Variants in KDM5B observed in about 807,000 individuals in gnomAD.
KDM5B encodes lysine-specific demethylase 5B.
In KDM5B, 144 loss-of-function variants were observed where a neutral mutation model predicts 193.4. The ratio of observed to expected loss-of-function variants is 0.74; its 90% CI spans 0.65 to 0.86. The LOEUF (loss-of-function observed/expected upper bound fraction) is 0.86. KDM5B is among the 40% of genes least tolerant of loss of function. The probability of loss-of-function intolerance (pLI) is 0.00; values close to 1 mark genes in which losing one functional copy is unlikely to be tolerated. For missense variants in KDM5B, 1,833 were observed against 1,886.9 expected, an observed-to-expected ratio of 0.97 and a Z score of 0.53; for synonymous variants, 668 against 682.6, an observed-to-expected ratio of 0.98 and a Z score of 0.33.
At chr1:202,796,601 T>C (rs765216301) in intron 1 of KDM5B, 1 of 162,856 alleles carries the variant, frequency 6.1e-6, no homozygotes. Context: ...TGTTATACTA[T>C]GTGCTGGTAC....
In KDM5B at chr1:202,742,502, A is replaced by T. The variant is rs375897651; in HGVS notation, c.2478T>A (p.Tyr826Ter). The change falls in exon 18 of 27, where the codon TAT becomes TAA. Residue 826 changes from tyrosine to a stop codon, truncating the protein, a stop_gained. Transcript: ENST00000367265. LOFTEE classifies it high-confidence loss of function. The part of the protein sequence containing the change: ...QLLNGKRQTR[Y>*]RSGGGKSQNQ... Reference sequence around the variant, plus strand: ...TTTGGGATTTCCCTCCACCAGATCGATATCTGTAAAGACAAAGGCCCAAGG... The same window carrying T: ...TTTGGGATTTCCCTCCACCAGATCGTTATCTGTAAAGACAAAGGCCCAAGG... 1 of 1,613,726 alleles carries T rather than the reference A, an allele frequency of 6.2e-7. No homozygotes were observed. The highest frequency in any genetic ancestry group is 8.5e-7 in the Non-Finnish European group (1 of 1,179,772).
chr1:202,769,813 G>A (rs985802089), intron 4 of KDM5B, among the ~76,000 whole-genome samples: 1 of 151,946 alleles, frequency 6.6e-6, no homozygotes, highest in Non-Finnish European at 1.5e-5. Context: ...AGCATTTAGA[G>A]TATGTTTAAT....
At chr1:202,803,763 G>A (rs1314621868) in intron 1 of KDM5B, among the ~76,000 whole-genome samples, 2 of 151,396 alleles carry the variant, frequency 1.3e-5, no homozygotes, top group African/African-American at 4.9e-5. Flanking sequence ...ATGTTGCAGT[G>A]AGCAACATGA....
chr1:202,747,272 A>T (rs962699579), intron 14 of KDM5B, among the ~76,000 whole-genome samples: 1 of 152,200 alleles, frequency 6.6e-6, no homozygotes, highest in African/African-American at 2.4e-5. Flanking sequence ...GGAGAAAGTT[A>T]ACATTTTTGT....
intron 15 of KDM5B, 41 bp from the exon 16 acceptor site, chr1:202,746,023 C>A (rs781168801): frequency 6.2e-7 from 1 of 1,611,592 alleles, no homozygotes; most frequent in African/African-American, 1.3e-5. Context: ...AGACGTGTAG[C>A]TTTGGAGAAA....
chr1:202,766,536 G>T, intron 5 of KDM5B: 1 of 431,246 alleles, frequency 2.3e-6, no homozygotes, highest in Non-Finnish European at 4.5e-6. Flanking sequence ...TGAGAAAAGT[G>T]GCTTTAACTG....
intron 6 of KDM5B, among the ~76,000 whole-genome samples, chr1:202,763,607 A>G (rs1342212554): frequency 1.3e-5 from 2 of 152,202 alleles, no homozygotes; most frequent in Non-Finnish European, 2.9e-5. Flanking sequence ...TCCACCTCTC[A>G]GTGACTTACA....
At chr1:202,767,944 AAT>A (rs1299555106) in intron 4 of KDM5B, among the ~76,000 whole-genome samples, 1 of 152,220 alleles carries the variant, frequency 6.6e-6, no homozygotes. Context: ...TAAGGAATCC[AAT>A]ATGTTTTCTA....
At chr1:202,730,532 G>A (rs901296653) in intron 25 of KDM5B, among the ~76,000 whole-genome samples, 4 of 152,078 alleles carry the variant, frequency 2.6e-5, no homozygotes, top group East Asian at 1.9e-4. Flanking sequence ...TACTTGGTAT[G>A]GCAAATGAAA....
rs1484064897 is a variant in KDM5B at position 202,725,564 on chromosome 1, T to C, written c.*3472A>G. ...GTTGAGGGACCCTGACCCTCATACA[T>C]AGCTCAATAAAGGCCGACACTGGGA... is the stretch of plus-strand genomic sequence containing the variant. On this transcript the variant is annotated 3_prime_UTR_variant, in exon 27 of 27. Transcript: ENST00000367265. 6.6e-6 allele frequency: 1 copy of C among 152,202 alleles called. No homozygotes were observed. The highest frequency in any genetic ancestry group is 2.4e-5 in the African/African-American group (1 of 41,456). The allele number at this position is 152,202 out of a possible 1,614,324, so 9.4% of individuals were successfully genotyped here.
At chr1:202,729,349 C>T (rs1654789156) in intron 26 of KDM5B, 176 bp from the exon 27 acceptor site, 1 of 681,844 alleles carries the variant, frequency 1.5e-6, no homozygotes. Flanking sequence ...GCCAAAGCAA[C>T]CGAGTCAAAG....
At chr1:202,781,200 A>T (rs569442688) in intron 1 of KDM5B, among the ~76,000 whole-genome samples, 1 of 152,260 alleles carries the variant, frequency 6.6e-6, no homozygotes, top group Non-Finnish European at 1.5e-5. Flanking sequence ...TCAGGAGGCT[A>T]AGGCAGGAGG....
chr1:202,789,510 C>G (rs10920482), intron 1 of KDM5B, among the ~76,000 whole-genome samples: 5,837 of 51,406 alleles, frequency 0.11, 316 homozygotes, highest in East Asian at 0.38. Flanking sequence ...GAACTCCAGC[C>G]TGGGTGACAG....
At position 202,800,751 on chromosome 1, in the gene KDM5B, T is replaced by A. The variant is rs1368285351; in HGVS notation, c.204+7351A>T. ...CTAAGAAAAGAAAGTTCAGATAAAG[T>A]CTGGCCAATACAAAAATGAACAGAT... On this transcript the variant is annotated intron_variant, in intron 1 of 26. Coordinates refer to ENST00000367265, the MANE Select transcript of KDM5B (RefSeq NM_006618.5). Among the ~76,000 whole-genome samples, 29 of 152,172 alleles carry A rather than the reference T, an allele frequency of 1.9e-4. 1 individual carries two copies. Among genetic ancestry groups the A allele is most frequent in the Admixed American group, 1.9e-3 (29 of 15,262 alleles).
At chr1:202,788,254 A>G (rs1256413033) in intron 1 of KDM5B, among the ~76,000 whole-genome samples, 1 of 152,200 alleles carries the variant, frequency 6.6e-6, no homozygotes, top group African/African-American at 2.4e-5. Flanking sequence ...ATACCAACAC[A>G]ATCATGTAGA....
rs1208251747 is a variant in KDM5B, at chr1:202,764,089, C to A, written c.768G>T (p.Leu256=). 1 of 1,587,906 alleles carries A rather than the reference C, an allele frequency of 6.3e-7. No individual in the cohort carries two copies. Among genetic ancestry groups the A allele is most frequent in the East Asian group, 2.3e-5 (1 of 43,328 alleles). The change falls in exon 6 of 27, where the codon CTG becomes CTT. Residue 256 remains leucine (L), a synonymous_variant. Transcript: ENST00000367265. ...EETTEARTHN[L]RRRMGCPTPK... The stretch of plus-strand genomic sequence containing the variant: ...GAGTTGGACAACCCATTCGACGTCT[C>A]AGATTATGAGTTCTGGCTTCCGTTG...
intron 1 of KDM5B, among the ~76,000 whole-genome samples, chr1:202,804,241 T>C (rs1368670286): frequency 2.7e-5 from 3 of 109,652 alleles, no homozygotes; most frequent in Non-Finnish European, 6.3e-5. Flanking sequence ...GTATGGTATA[T>C]TTCAATAAAA....
chr1:202,808,027 G>C (rs1354318175), intron 1 of KDM5B, 75 bp downstream of exon 1: 36 of 1,428,750 alleles, frequency 2.5e-5, no homozygotes, highest in Non-Finnish European at 3.1e-5. Context: ...CCCGCGCCTC[G>C]GGCCTCCCCG....
chr1:202,763,930 C>T, intron 6 of KDM5B, 119 bp downstream of exon 6: 1 of 635,688 alleles, frequency 1.6e-6, no homozygotes, highest in South Asian at 1.9e-5. Context: ...TATGTACTGG[C>T]TGCTCTAAAT....
Sources: gnomAD v4.1 joint callset for allele counts (sites outside exome capture counted in the v4.1 genomes callset) on GRCh38, gnomAD v4.1.1 for gene constraint, MANE v1.5 for transcripts, NCBI Gene and HGNC (gene_info 2026-07-23, HGNC 2026-07-21) for gene names.